Variants in MRPL38 observed in about 807,000 individuals in gnomAD.
MRPL38 encodes mitochondrial ribosomal protein L38.
In MRPL38, 51 loss-of-function variants were observed where a neutral mutation model predicts 52.1. That is an observed-to-expected ratio of 0.98 (90% CI 0.78 to 1.24). MRPL38 has a LOEUF of 1.24. Ranked by LOEUF, MRPL38 falls within the 50% of genes most tolerant of loss-of-function variation. The pLI, the probability that MRPL38 is intolerant of heterozygous loss-of-function variation, is 0.00. For synonymous variants in MRPL38, 245 were observed against 212.7 expected (o/e 1.15, Z -1.32); for missense variants, 527 against 518.6 (o/e 1.02, Z -0.16).
rs1215490351 is a variant in MRPL38, at chr17:75,899,549, A to G, written c.836T>C (p.Ile279Thr). 1.9e-6 allele frequency: 3 copies of G among 1,601,824 alleles called. No individual in the cohort carries two copies. Among genetic ancestry groups the G allele is most frequent in the African/African-American group, 1.3e-5 (1 of 74,686 alleles). Reference protein sequence around the residue: ...AFLLFKQDQPIDFSEDARPSP... With the variant: ...AFLLFKQDQPTDFSEDARPSP... The stretch of plus-strand genomic sequence containing the variant: ...GGGGCGTGCGTCCTCAGAGAAGTCA[A>G]TCGGCTGGTCCTGCTTGAAGAGCAG... The change falls in exon 7 of 9, where the codon ATT becomes ACT. Residue 279 changes from isoleucine (I) to threonine (T), a missense_variant. Coordinates refer to ENST00000309352, the MANE Select transcript of MRPL38 (RefSeq NM_032478.4).
chr17:75,901,290 G>A lies in MRPL38; in HGVS notation c.592-17C>T, dbSNP rs772039580. 5 of 1,611,418 alleles carry A rather than the reference G, an allele frequency of 3.1e-6. No individual in the cohort carries two copies. In the South Asian group the frequency reaches 4.4e-5, roughly 14 times the overall value. The stretch of plus-strand genomic sequence containing the variant: ...TTGGGCAGCCTGGCAGGGTGAGAAG[G>A]AAGCTGTCAGCCCCACCAGGGACAG... On this transcript the variant is annotated splice_polypyrimidine_tract_variant and intron_variant, in intron 4 of 8. Coordinates refer to ENST00000309352, the MANE Select transcript of MRPL38 (RefSeq NM_032478.4). This position sits in a 1 kb window ranked among gnomAD's most constrained non-coding sequence, Gnocchi z 5.7.
At chr17:75,904,770 G>GCCCCCCCCCCCCCCCCCCCCCCC in intron 1 of MRPL38, 39 bp downstream of exon 1, 1 of 500,006 alleles carries the variant, frequency 2.0e-6, no homozygotes, top group Non-Finnish European at 2.8e-6. Flanking sequence ...TCGGGCGACA[G>GCCCCCCCCCCCCCCCCCCCCCCC]CCCCCCCCCC....
chr17:75,904,055 G>T (rs1046605195), intron 2 of MRPL38, among the ~76,000 whole-genome samples: 1 of 152,144 alleles, frequency 6.6e-6, no homozygotes, highest in African/African-American at 2.4e-5. Flanking sequence ...GAGTCACCCT[G>T]CCCAGGCCTT....
chr17:75,899,563 C>G lies in MRPL38; in HGVS notation c.822G>C (p.Lys274Asn), dbSNP rs1164233792. ...CAGAGAAGTCAATCGGCTGGTCCTG[C>G]TTGAAGAGCAGGAAGGCAAGACGGT... Reference protein sequence around the residue: ...GIHRLAFLLFKQDQPIDFSED... With the variant: ...GIHRLAFLLFNQDQPIDFSED... The change falls in exon 7 of 9, where the codon AAG becomes AAC. Residue 274 changes from lysine (K) to asparagine (N), a missense_variant. Transcript: ENST00000309352. 1.9e-6 allele frequency: 3 copies of G among 1,605,106 alleles called. No individual in the cohort carries two copies. The highest frequency in any genetic ancestry group is 3.4e-5 in the Admixed American group (2 of 59,220).
chr17:75,899,351 C>T (rs559927433), intron 7 of MRPL38, 57 bp from the exon 8 acceptor site: 3 of 1,582,916 alleles, frequency 1.9e-6, no homozygotes, highest in Non-Finnish European at 2.6e-6. Context: ...AGCCCCTCAC[C>T]CCGCCACCCC....
chr17:75,903,916 C>T (rs909781493), intron 2 of MRPL38, among the ~76,000 whole-genome samples: 1 of 152,004 alleles, frequency 6.6e-6, no homozygotes, highest in Non-Finnish European at 1.5e-5. Context: ...TTAGCAGACA[C>T]GGGGTTTCTC....
At chr17:75,899,038 G>A in intron 8 of MRPL38, 52 bp from the exon 9 acceptor site, 1 of 1,544,732 alleles carries the variant, frequency 6.5e-7, no homozygotes, top group Non-Finnish European at 8.7e-7. Flanking sequence ...CGCCCCCTCA[G>A]GCTGAGGCCT....
chr17:75,901,127 TCCCCCAGCC>T lies in MRPL38; in HGVS notation c.664+65_664+73del. ...GCGCTGGAGATCTCCACCTGGCCCCTCCCCCAGCCCCCCAGGGCCCTGGCTCATAGGAGG... is the reference window on the plus strand; with the variant it reads ...GCGCTGGAGATCTCCACCTGGCCCCTCCCCAGGGCCCTGGCTCATAGGAGG... On this transcript the variant is annotated intron_variant, in intron 5 of 8. Transcript: ENST00000309352. This position sits in a 1 kb window ranked among gnomAD's most constrained non-coding sequence, Gnocchi z 5.7. The T allele has an allele frequency of 6.3e-7, 1 of 1,596,968 alleles. No individual in the cohort carries two copies. The highest frequency in any genetic ancestry group is 1.7e-5 in the Admixed American group (1 of 57,744).
chr17:75,899,764 G>A (rs2065395816), intron 6 of MRPL38, 90 bp from the exon 7 acceptor site: 2 of 1,149,672 alleles, frequency 1.7e-6, no homozygotes, highest in African/African-American at 3.2e-5. Flanking sequence ...AGGCTGACAT[G>A]ACTCCCTGGG....
At chr17:75,902,872 C>A (rs2065411317) in intron 2 of MRPL38, among the ~76,000 whole-genome samples, 2 of 152,160 alleles carry the variant, frequency 1.3e-5, no homozygotes, top group South Asian at 4.1e-4. Context: ...CAGGCGCCTG[C>A]CACCATGCCC....
intron 7 of MRPL38, 52 bp downstream of exon 7, chr17:75,899,464 G>A (rs563116995): frequency 1.1e-5 from 17 of 1,539,714 alleles, no homozygotes; most frequent in South Asian, 5.0e-5. Flanking sequence ...AAGAGTGACC[G>A]TTCCAGGGGA....
At chr17:75,900,806 T>C in intron 6 of MRPL38, 176 bp downstream of exon 6, 4 of 1,425,070 alleles carry the variant, frequency 2.8e-6, no homozygotes, top group Non-Finnish European at 3.7e-6. Flanking sequence ...CTCCTGTAGC[T>C]GTCTTCAAGT....
At chr17:75,904,770 G>GGGGGCCCCCCCCC in intron 1 of MRPL38, 39 bp downstream of exon 1, 2 of 500,006 alleles carry the variant, frequency 4.0e-6, no homozygotes, top group Non-Finnish European at 2.8e-6. Context: ...TCGGGCGACA[G>GGGGGCCCCCCCCC]CCCCCCCCCC....
At chr17:75,904,770 G>GGGGCCCCC in intron 1 of MRPL38, 39 bp downstream of exon 1, 28 of 500,366 alleles carry the variant, frequency 5.6e-5, no homozygotes, top group Admixed American at 2.9e-4. Context: ...TCGGGCGACA[G>GGGGCCCCC]CCCCCCCCCC....
intron 2 of MRPL38, among the ~76,000 whole-genome samples, chr17:75,904,052 C>T (rs1331665077): frequency 6.6e-6 from 1 of 152,116 alleles, no homozygotes; most frequent in Non-Finnish European, 1.5e-5. Flanking sequence ...TTTGAGTCAC[C>T]CTGCCCAGGC....
Position 75,899,262 on chromosome 17 carries a change from A to G in MRPL38, c.902T>C (p.Phe301Ser), listed in dbSNP as rs376103187. The G allele has an allele frequency of 3.1e-6, 5 of 1,612,566 alleles. No homozygotes were observed. The highest frequency in any genetic ancestry group is 4.2e-6 in the Non-Finnish European group (5 of 1,179,526). ...TTCTTGGTGTTTCTTGTAGAAATCA[A>G]AAGTGCGGAAGGTCCGCTGGGCCAG... ...YQLAQRTFRT[F>S]DFYKKHQETM... The change falls in exon 8 of 9, where the codon TTT becomes TCT. Residue 301 changes from phenylalanine (F) to serine (S), a missense_variant. By Grantham distance (155) the Phe-to-Ser change is radical (BLOSUM62 -2). Transcript: ENST00000309352.
In MRPL38 at chr17:75,901,134, GC is replaced by G. The variant is rs2065402455; in HGVS notation, c.664+66del. On this transcript the variant is annotated intron_variant, in intron 5 of 8. Transcript: ENST00000309352. This position sits in a 1 kb window ranked among gnomAD's most constrained non-coding sequence, Gnocchi z 5.7. ...AGATCTCCACCTGGCCCCTCCCCCAGCCCCCCAGGGCCCTGGCTCATAGGAG... is the reference window on the plus strand; with the variant it reads ...AGATCTCCACCTGGCCCCTCCCCCAGCCCCCAGGGCCCTGGCTCATAGGAG... 1.2e-6 allele frequency: 2 copies of G among 1,601,066 alleles called. No homozygotes were observed. The highest frequency in any genetic ancestry group is 1.7e-6 in the Non-Finnish European group (2 of 1,174,438).
rs940953658 is a variant in MRPL38, at chr17:75,898,739, G to T, written c.*111C>A. 39 of 1,376,000 alleles carry T rather than the reference G, an allele frequency of 2.8e-5. No individual in the cohort carries two copies. Among genetic ancestry groups the T allele is most frequent in the Admixed American group, 2.1e-5 (1 of 47,606 alleles). 85.2% of individuals were successfully genotyped at this position (1,376,000 alleles called of 1,614,324 possible). A position where few individuals can be genotyped will look rare whatever the true frequency, so the allele number is the denominator to read the frequency against. On this transcript the variant is annotated 3_prime_UTR_variant, in exon 9 of 9. Transcript: ENST00000309352. ...GGGCCTGACGGGAGGGGGCCAAAGA[G>T]GGGGGCTGCCTAAGGCAGGGCCCAG...
chr17:75,902,901 T>C (rs1350157071), intron 2 of MRPL38, among the ~76,000 whole-genome samples: 1 of 152,180 alleles, frequency 6.6e-6, no homozygotes, highest in East Asian at 1.9e-4. Context: ...TTTTTTGTAT[T>C]TTTAGTAGAG....
Sources: allele counts gnomAD v4.1 joint callset (sites outside exome capture counted in the v4.1 genomes callset), GRCh38; gene constraint gnomAD v4.1.1; non-coding constraint Gnocchi (gnomAD v3.1); transcripts MANE v1.5; gene names NCBI Gene and HGNC (gene_info 2026-07-23, HGNC 2026-07-21).